Variants in TPST2 observed in about 807,000 individuals in gnomAD.
TPST2 encodes the protein protein-tyrosine sulfotransferase 2.
In TPST2, 16 loss-of-function variants were observed where a neutral mutation model predicts 27.8. The ratio of observed to expected loss-of-function variants is 0.58; its 90% CI spans 0.39 to 0.88. TPST2 has a LOEUF of 0.88. Among genes scored for constraint, TPST2 ranks in the 40% least tolerant of loss-of-function variants. The pLI, the probability that TPST2 is intolerant of heterozygous loss-of-function variation, is 0.00. For missense variants in TPST2, 464 were observed against 543.1 expected, an observed-to-expected ratio of 0.85 and a Z score of 1.45; for synonymous variants, 229 against 231.7, an observed-to-expected ratio of 0.99 and a Z score of 0.10.
chr22:26,538,905 G>A (rs558376203), intron 3 of TPST2, among the ~76,000 whole-genome samples: 12 of 152,292 alleles, frequency 7.9e-5, no homozygotes, highest in African/African-American at 2.6e-4. Flanking sequence ...CGTGGAAAAA[G>A]GCTACAGAGG....
chr22:26,541,051 T>C lies in TPST2; in HGVS notation c.580A>G (p.Thr194Ala). ...AAGCCCGCAATGGTGACTTTGCGCG[T>C]GATCATGGAGTGCACGGAGGCCCGG... Reference protein sequence around the residue: ...DGRASVHSMITRKVTIAGFDL... With the variant: ...DGRASVHSMIARKVTIAGFDL... Residue 194 changes from threonine to alanine, a missense_variant, in exon 3 of 7, where the codon ACG (threonine) becomes GCG (alanine). Transcript: ENST00000338754. This position sits in a 1 kb window ranked among gnomAD's most constrained non-coding sequence, Gnocchi z 5.9. 6.2e-7 allele frequency: 1 copy of C among 1,613,800 alleles called. No individual in the cohort carries two copies. Among genetic ancestry groups the C allele is most frequent in the South Asian group, 1.1e-5 (1 of 91,074 alleles).
At chr22:26,585,343 T>C (rs2145943158) in intron 1 of TPST2, among the ~76,000 whole-genome samples, 1 of 3,356 alleles carries the variant, frequency 3.0e-4, no homozygotes, top group East Asian at 9.6e-3. Context: ...CCCTAGGGCC[T>C]GTGGGCACTG....
At position 26,522,965 on chromosome 22, in the gene TPST2, G is replaced by A. The variant is rs940752298; in HGVS notation, c.*3310C>T. The stretch of plus-strand genomic sequence containing the variant: ...TGGTCCAGCTACTCAGGAGGCTGAG[G>A]TGAAAGGACTGCTTGAGCCCAGGAG... On this transcript the variant is annotated 3_prime_UTR_variant, in exon 7 of 7. Coordinates refer to ENST00000338754, the MANE Select transcript of TPST2 (RefSeq NM_003595.5). 6.6e-6 allele frequency: 1 copy of A among 152,454 alleles called. No homozygotes were observed. Among genetic ancestry groups the A allele is most frequent in the African/African-American group, 2.4e-5 (1 of 41,456 alleles). 9.4% of individuals were successfully genotyped at this position (152,454 alleles called of 1,614,324 possible).
In TPST2 at chr22:26,540,771, A is replaced by C. The variant is rs1247081535; in HGVS notation, c.842+18T>G. ...CCAGGGCCAGAGTCTGAGTGGAAGCATCAGGGGCTCCACTCACTTGGACAG... is the reference window on the plus strand; with the variant it reads ...CCAGGGCCAGAGTCTGAGTGGAAGCCTCAGGGGCTCCACTCACTTGGACAG... On this transcript the variant is annotated intron_variant, in intron 3 of 6. Transcript: ENST00000338754. The C allele has an allele frequency of 3.9e-6, 6 of 1,554,146 alleles. No homozygotes were observed. The highest frequency in any genetic ancestry group is 8.7e-7 in the Non-Finnish European group (1 of 1,147,946).
chr22:26,567,198 A>C (rs1927416143), intron 1 of TPST2, among the ~76,000 whole-genome samples: 1 of 152,188 alleles, frequency 6.6e-6, no homozygotes, highest in African/African-American at 2.4e-5. Flanking sequence ...CCTGAACAGA[A>C]GAGGCTTACT....
At chr22:26,546,362 C>T (rs375508663) in intron 1 of TPST2, among the ~76,000 whole-genome samples, 1 of 152,216 alleles carries the variant, frequency 6.6e-6, no homozygotes, top group African/African-American at 2.4e-5. Flanking sequence ...GGGACATGGG[C>T]GGTCAATGAT....
rs1259039273 is a variant in TPST2, at chr22:26,555,699, G to A, written c.-160-11024C>T. Reference sequence around the variant, plus strand: ...AGACAGACTGGGGTGTGCAGGAGGCGGTGGGAACACGTTCAGGGCACGCTG... The same window carrying A: ...AGACAGACTGGGGTGTGCAGGAGGCAGTGGGAACACGTTCAGGGCACGCTG... On this transcript the variant is annotated intron_variant, in intron 1 of 6. Transcript: ENST00000338754. Among the ~76,000 whole-genome samples the A allele has an allele frequency of 2.0e-5, 3 of 152,200 alleles. No homozygotes were observed. In the East Asian group the frequency reaches 5.8e-4, roughly 29 times the overall value.
At chr22:26,554,592 T>G (rs1417126487) in intron 1 of TPST2, among the ~76,000 whole-genome samples, 1 of 152,198 alleles carries the variant, frequency 6.6e-6, no homozygotes, top group Non-Finnish European at 1.5e-5. Context: ...ATCTAACTAC[T>G]TTGTGCCTCA....
intron 1 of TPST2, chr22:26,560,709 G>C (rs1927041432): frequency 4.6e-6 from 5 of 1,087,620 alleles, no homozygotes; most frequent in Non-Finnish European, 7.1e-6. Context: ...AAAATTTGAA[G>C]ATATGGCAAA....
rs751745686 is a variant in TPST2, at chr22:26,536,311, A to G, written c.1018T>C (p.Phe340Leu). ...ACCCGCTGTGTGTTGTTGATGACGA[A>G]GGGGTCAGGGTTGCCATAGTTGGGG... The part of the protein sequence containing the change: ...NPPNYGNPDP[F>L]VINNTQRVLK... The change falls in exon 4 of 7, where the codon TTC becomes CTC. Residue 340 changes from phenylalanine (F) to leucine (L), a missense_variant. Coordinates refer to ENST00000338754, the MANE Select transcript of TPST2 (RefSeq NM_003595.5). 1 of 1,614,178 alleles carries G rather than the reference A, an allele frequency of 6.2e-7. No homozygotes were observed. The highest frequency in any genetic ancestry group is 1.7e-5 in the Admixed American group (1 of 60,028).
At chr22:26,583,991 T>A (rs1050084506) in intron 1 of TPST2, among the ~76,000 whole-genome samples, 1 of 152,192 alleles carries the variant, frequency 6.6e-6, no homozygotes, top group African/African-American at 2.4e-5. Context: ...CCAGGCCACC[T>A]AAGGGGCAGC....
intron 1 of TPST2, among the ~76,000 whole-genome samples, chr22:26,572,468 A>G (rs1395399176): frequency 1.3e-5 from 2 of 151,984 alleles, no homozygotes; most frequent in East Asian, 3.9e-4. Flanking sequence ...AATCCAATAA[A>G]TTTACCTTTT....
intron 1 of TPST2, among the ~76,000 whole-genome samples, chr22:26,588,736 C>T (rs571113407): frequency 3.3e-5 from 5 of 152,176 alleles, no homozygotes; most frequent in African/African-American, 7.2e-5. Context: ...GAGACTAGAT[C>T]GGAAGGAAAA....
Position 26,541,298 on chromosome 22 carries a change from C to G in TPST2, c.333G>C (p.Gln111His). The G allele has an allele frequency of 6.5e-7, 1 of 1,542,320 alleles. No individual in the cohort carries two copies. Among genetic ancestry groups the G allele is most frequent in the Non-Finnish European group, 8.8e-7 (1 of 1,142,768 alleles). Residue 111 changes from glutamine (Q) to histidine (H), a missense_variant, in exon 3 of 7, where the codon CAG becomes CAC. Physicochemically the swap from Gln to His is conservative, Grantham distance 24. Coordinates refer to ENST00000338754, the MANE Select transcript of TPST2 (RefSeq NM_003595.5). This position sits in a 1 kb window ranked among gnomAD's most constrained non-coding sequence, Gnocchi z 5.9. ...RIIPRVLAMRQAWSKSGREKL... is the reference protein window; with the variant it reads ...RIIPRVLAMRHAWSKSGREKL... ...TCTCACGGCCAGACTTGGACCAGGC[C>G]TGGCGCATGGCCAGCACGCGCGGGA...
At chr22:26,579,567 C>T (rs929167352) in intron 1 of TPST2, among the ~76,000 whole-genome samples, 52 of 152,352 alleles carry the variant, frequency 3.4e-4, no homozygotes, top group African/African-American at 1.2e-3. Flanking sequence ...CACTTTCTCA[C>T]ACCTCCAAAG....
chr22:26,555,600 G>A (rs539695691), intron 1 of TPST2, among the ~76,000 whole-genome samples: 6 of 152,362 alleles, frequency 3.9e-5, no homozygotes, highest in Admixed American at 6.5e-5. Flanking sequence ...TTATTAGGAC[G>A]GACACAGTCC....
chr22:26,565,518 C>T (rs1666908288), intron 1 of TPST2: 1 of 152,414 alleles, frequency 6.6e-6, no homozygotes, highest in African/African-American at 2.4e-5. Context: ...CTCAGGTCTC[C>T]TAGGCCATGC....
chr22:26,564,757 G>A (rs910035734), intron 1 of TPST2, among the ~76,000 whole-genome samples: 2 of 152,140 alleles, frequency 1.3e-5, no homozygotes, highest in African/African-American at 4.8e-5. Context: ...TTTGACAAAT[G>A]GGGAAATTGA....
intron 1 of TPST2, among the ~76,000 whole-genome samples, chr22:26,583,424 G>GA (rs1383992255): frequency 1.2e-5 from 1 of 86,390 alleles, no homozygotes; most frequent in Non-Finnish European, 2.2e-5. Flanking sequence ...GCGACAGAAG[G>GA]AAACTCCATC....
Sources: allele counts gnomAD v4.1 joint callset (sites outside exome capture counted in the v4.1 genomes callset), GRCh38; gene constraint gnomAD v4.1.1; non-coding constraint Gnocchi (gnomAD v3.1); transcripts MANE v1.5; gene names NCBI Gene and HGNC (gene_info 2026-07-23, HGNC 2026-07-21).